The following SPDL1 variants were observed in gnomAD, a reference collection of about 807,000 sequenced individuals.
The protein encoded by SPDL1 is spindle apparatus coiled-coil protein 1.
Under a neutral mutation model 79.5 loss-of-function variants are expected in SPDL1, and 85 were observed. The ratio of observed to expected loss-of-function variants is 1.07; its 90% CI spans 0.90 to 1.28. The LOEUF is 1.28. Ranked by LOEUF, SPDL1 falls within the 50% of genes most tolerant of loss-of-function variation. The pLI, the probability that SPDL1 is intolerant of heterozygous loss-of-function variation, is 0.00. For synonymous variants in SPDL1, 269 were observed against 240.3 expected (o/e 1.12, Z -1.10); for missense variants, 703 against 697.8 (o/e 1.01, Z -0.08).
chr5:169,600,013 A>G (rs1755799429), intron 10 of SPDL1, among the ~76,000 whole-genome samples: 1 of 152,224 alleles, frequency 6.6e-6, no homozygotes, highest in African/African-American at 2.4e-5. Context: ...CAGTCTCTGC[A>G]TCTTATATAC....
chr5:169,596,227 G>A (rs559352653), intron 7 of SPDL1: 27 of 180,404 alleles, frequency 1.5e-4, no homozygotes, highest in Middle Eastern at 2.3e-3. Context: ...TAATAAGAGC[G>A]AGTGCTTATG....
At chr5:169,584,004 A>G (rs2113299678) in intron 1 of SPDL1, 115 bp downstream of exon 1, 1 of 152,326 alleles carries the variant, frequency 6.6e-6, no homozygotes, top group African/African-American at 2.4e-5. Flanking sequence ...TAGCTGAAAC[A>G]TCTCCTTCCC....
chr5:169,585,971 C>T (rs1754967090), intron 1 of SPDL1: 1 of 152,224 alleles, frequency 6.6e-6, no homozygotes. Context: ...AGCAATTCTC[C>T]AGTGTCTTCT....
chr5:169,596,692 G>A lies in SPDL1; in HGVS notation c.1023G>A (p.Glu341=). 6.3e-7 allele frequency: 1 copy of A among 1,594,096 alleles called. No homozygotes were observed. The highest frequency in any genetic ancestry group is 1.2e-5 in the South Asian group (1 of 86,800). ...TTTTAGGTGAAATTAGAAATCTGGA[G>A]AAATTTAAGGTATGTATAACAGTTA... ...KHLLGEIRNL[E]KFKNLYDSME... The change falls in exon 8 of 12, where the codon GAG becomes GAA. Residue 341 remains glutamate (E), a synonymous_variant. Transcript: ENST00000265295.
chr5:169,586,681 A>G (rs1174606278), intron 1 of SPDL1, among the ~76,000 whole-genome samples: 2 of 152,126 alleles, frequency 1.3e-5, no homozygotes, highest in African/African-American at 4.8e-5. Flanking sequence ...CCTTTTTCAC[A>G]CATCCCAAAT....
At chr5:169,600,691 G>C (rs572766595) in intron 10 of SPDL1, among the ~76,000 whole-genome samples, 1 of 152,330 alleles carries the variant, frequency 6.6e-6, no homozygotes, top group East Asian at 1.9e-4. Flanking sequence ...GATGAGACAT[G>C]ATAGGATTGG....
chr5:169,587,971 T>G (rs1466854216), intron 1 of SPDL1, among the ~76,000 whole-genome samples: 2 of 152,164 alleles, frequency 1.3e-5, no homozygotes, highest in African/African-American at 4.8e-5. Flanking sequence ...CCTCCCCAGT[T>G]GCTGGGATTA....
intron 2 of SPDL1, chr5:169,588,824 C>G: frequency 3.6e-6 from 1 of 275,400 alleles, no homozygotes; most frequent in Non-Finnish European, 6.8e-6. Flanking sequence ...CCAGATTTTG[C>G]TTTGTCTGCA....
At chr5:169,603,924 C>A in intron 11 of SPDL1, 136 bp from the exon 12 acceptor site, 1 of 782,660 alleles carries the variant, frequency 1.3e-6, no homozygotes, top group Non-Finnish European at 1.9e-6. Flanking sequence ...ACTTAATATT[C>A]TTACAGTATT....
intron 4 of SPDL1, 134 bp from the exon 5 acceptor site, chr5:169,594,011 G>C (rs531071048): frequency 1.5e-6 from 1 of 646,300 alleles, no homozygotes; most frequent in African/African-American, 1.8e-5. Context: ...TATTATTTTA[G>C]AATGTACCTG....
rs1417128708 is a variant in SPDL1 at position 169,604,299 on chromosome 5, G to C, written c.*92G>C. ...TTGATCTGACATATATCACCTTCTG[G>C]GTTATTTACTCATTGTGCCAGGACC... On this transcript the variant is annotated 3_prime_UTR_variant, in exon 12 of 12. Transcript: ENST00000265295. 4.8e-6 allele frequency: 6 copies of C among 1,243,428 alleles called. No homozygotes were observed. The highest frequency in any genetic ancestry group is 4.6e-5 in the African/African-American group (3 of 64,842). 77.0% of individuals were successfully genotyped at this position (1,243,428 alleles called of 1,614,324 possible). A position where few individuals can be genotyped will look rare whatever the true frequency, so the allele number is the denominator to read the frequency against.
In SPDL1 at chr5:169,593,551, A is replaced by G; in HGVS notation, c.531+3A>G. On this transcript the variant is annotated splice_donor_region_variant and intron_variant, in intron 4 of 11. Transcript: ENST00000265295. ...TGACAGAAATGGAGAGTATGAAGGTAATTTTTATGGCATGTGTTTCTCAGG... is the reference window on the plus strand; with the variant it reads ...TGACAGAAATGGAGAGTATGAAGGTGATTTTTATGGCATGTGTTTCTCAGG... 1 of 1,568,808 alleles carries G rather than the reference A, an allele frequency of 6.4e-7. No homozygotes were observed. The highest frequency in any genetic ancestry group is 8.6e-7 in the Non-Finnish European group (1 of 1,160,322).
At position 169,599,013 on chromosome 5, in the gene SPDL1, G is replaced by A. The variant is rs141793856; in HGVS notation, c.1178G>A (p.Arg393Gln). ...ACTAAAGGTGAATTGTCCATACAGC[G>A]AATGAAAGCATTATTTGAGAGCCAG... ...ESTKGELSIQ[R>Q]MKALFESQRA... is the part of the protein sequence containing the mutation. The change falls in exon 10 of 12, where the codon CGA (arginine) becomes CAA (glutamine). Residue 393 changes from arginine (R) to glutamine (Q), a missense_variant. Transcript: ENST00000265295. 99 of 1,573,102 alleles carry A rather than the reference G, an allele frequency of 6.3e-5. No homozygotes were observed. The highest frequency in any genetic ancestry group is 1.7e-4 in the Middle Eastern group (1 of 5,924).
intron 2 of SPDL1, chr5:169,588,854 C>T: frequency 4.8e-6 from 1 of 206,344 alleles, no homozygotes; most frequent in Non-Finnish European, 9.7e-6. Flanking sequence ...GAAGACCTCA[C>T]TTGTTTTAGA....
intron 11 of SPDL1, chr5:169,601,999 G>T: frequency 3.8e-6 from 1 of 260,102 alleles, no homozygotes; most frequent in Non-Finnish European, 7.5e-6. Flanking sequence ...CTTTCCAGTA[G>T]TCTAAGAAAT....
At chr5:169,595,668 T>A (rs929593243) in intron 7 of SPDL1, 2 of 152,206 alleles carry the variant, frequency 1.3e-5, no homozygotes, top group Non-Finnish European at 1.5e-5. Context: ...GAAGTATTTC[T>A]TTATAAATTT....
chr5:169,598,970 A>G lies in SPDL1; in HGVS notation c.1137-2A>G, dbSNP rs774053987. The G allele has an allele frequency of 2.7e-5, 42 of 1,528,364 alleles. No homozygotes were observed. Among genetic ancestry groups the G allele is most frequent in the Non-Finnish European group, 3.7e-5 (42 of 1,136,152 alleles). The allele number at this position is 1,528,364 out of a possible 1,614,324, so 94.7% of individuals were successfully genotyped here. Reference sequence around the variant, plus strand: ...GTTGGTTCTCCTTTTTTATTATCATAGCAAAGAAATTGAAAGCACTAAAGG... The same window carrying G: ...GTTGGTTCTCCTTTTTTATTATCATGGCAAAGAAATTGAAAGCACTAAAGG... On this transcript the variant is annotated splice_acceptor_variant, in intron 9 of 11. Transcript: ENST00000265295. LOFTEE classifies it high-confidence loss of function.
chr5:169,602,999 T>G (rs1756012222), intron 11 of SPDL1, among the ~76,000 whole-genome samples: 1 of 152,206 alleles, frequency 6.6e-6, no homozygotes, highest in Non-Finnish European at 1.5e-5. Context: ...TTTTTTTGCT[T>G]GATAAAAAAT....
At chr5:169,601,810 G>GTTTC (rs1561878931) in intron 11 of SPDL1, 185 bp downstream of exon 11, 4 of 697,326 alleles carry the variant, frequency 5.7e-6, no homozygotes, top group African/African-American at 5.3e-5. Context: ...GATTGCAAAG[G>GTTTC]GAAAGGACTC....
Sources: gnomAD v4.1 joint callset for allele counts (sites outside exome capture counted in the v4.1 genomes callset) on GRCh38, gnomAD v4.1.1 for gene constraint, MANE v1.5 for transcripts, NCBI Gene and HGNC (gene_info 2026-07-23, HGNC 2026-07-21) for gene names.